The following LIMK2 variants were observed in gnomAD, a reference collection of about 807,000 sequenced individuals.
The protein encoded by LIMK2 is LIM domain kinase 2.
In LIMK2, 35 loss-of-function variants were observed where a neutral mutation model predicts 75.7. The observed-to-expected ratio is 0.46, with a 90% CI of 0.35 to 0.61. The LOEUF (loss-of-function observed/expected upper bound fraction) is 0.61, where lower values mean the gene tolerates loss of function less well. LIMK2 is among the 20% of genes least tolerant of loss of function. The pLI is 0.00. For missense variants in LIMK2, 623 were observed against 831.0 expected (o/e 0.75, Z 3.08); for synonymous variants, 301 against 319.2 (o/e 0.94, Z 0.61).
rs552241682 is a variant in LIMK2 at position 31,258,990 on chromosome 22, G to A, written c.253-131G>A. 10 of 622,278 alleles carry A rather than the reference G, an allele frequency of 1.6e-5. No homozygotes were observed. In the South Asian group the frequency reaches 1.8e-4, roughly 11 times the overall value. The allele number at this position is 622,278 out of a possible 1,614,324, so 38.5% of individuals were successfully genotyped here. A position where few individuals can be genotyped will look rare whatever the true frequency, so the allele number is the denominator to read the frequency against. ...CACTTCCTTTGGAAGCTCTAGGGCAGAGAGTGAAAGAGTGGATTTTGACGG... is the reference window on the plus strand; with the variant it reads ...CACTTCCTTTGGAAGCTCTAGGGCAAAGAGTGAAAGAGTGGATTTTGACGG... On this transcript the variant is annotated intron_variant, in intron 3 of 15. Coordinates refer to ENST00000331728, the MANE Select transcript of LIMK2 (RefSeq NM_005569.4).
chr22:31,212,919 C>A (rs1339303975), intron 1 of LIMK2, among the ~76,000 whole-genome samples: 4 of 152,120 alleles, frequency 2.6e-5, no homozygotes, highest in Non-Finnish European at 5.9e-5. Context: ...ATGTGACTTC[C>A]CTGCCAAGAC....
rs567250437 is a variant in LIMK2 at position 31,255,978 on chromosome 22, C to CTTTTTTTTTTTTT, written c.117-2287_117-2275dup. Among the ~76,000 whole-genome samples, 9 of 29,682 alleles carry CTTTTTTTTTTTTT rather than the reference C, an allele frequency of 3.0e-4. 3 individuals carry two copies. Among genetic ancestry groups the CTTTTTTTTTTTTT allele is most frequent in the East Asian group, 1.1e-3 (1 of 878 alleles). The allele number at this position is 29,682 out of a possible 152,430, so 19.5% of individuals were successfully genotyped here. A position where few individuals can be genotyped will look rare whatever the true frequency, so the allele number is the denominator to read the frequency against. The stretch of plus-strand genomic sequence containing the variant: ...ATACTGAGTTTCTACTATATTGGGT[C>CTTTTTTTTTTTTT]TTTTTTTTTTTTTTTTTTTTTTTTT... On this transcript the variant is annotated intron_variant, in intron 2 of 15. Transcript: ENST00000331728.
At chr22:31,242,965 T>C (rs1382770462) in intron 2 of LIMK2, among the ~76,000 whole-genome samples, 1 of 152,202 alleles carries the variant, frequency 6.6e-6, no homozygotes, top group Non-Finnish European at 1.5e-5. Context: ...CTCTGTCACC[T>C]AGGCTGGTGT....
rs9619180 is a variant in LIMK2 at position 31,239,872 on chromosome 22, C to G, written c.116+14053C>G. On this transcript the variant is annotated intron_variant, in intron 2 of 15. Transcript: ENST00000331728. ...AAAGTCCATCCAGTATGCACCATTA[C>G]CATCTCTTCGCTCTACAATATTCTT... Among the ~76,000 whole-genome samples the G allele has an allele frequency of 5.6e-3, 846 of 152,238 alleles. 9 individuals are homozygous for G. Among genetic ancestry groups the G allele is most frequent in the African/African-American group, 0.019 (783 of 41,524 alleles).
chr22:31,230,025 TC>T, intron 2 of LIMK2: 1 of 151,470 alleles, frequency 6.6e-6, no homozygotes, highest in Non-Finnish European at 1.5e-5. Context: ...TTCCTTTTTT[TC>T]TTTTCTTTTT....
intron 1 of LIMK2, among the ~76,000 whole-genome samples, chr22:31,221,109 C>A (rs1316149161): frequency 1.3e-5 from 2 of 152,030 alleles, no homozygotes; most frequent in Non-Finnish European, 2.9e-5. Context: ...CTAGAGCATT[C>A]TTTTGTAAGG....
At chr22:31,219,234 T>C (rs2048413322) in intron 1 of LIMK2, among the ~76,000 whole-genome samples, 1 of 148,514 alleles carries the variant, frequency 6.7e-6, no homozygotes, top group African/African-American at 2.5e-5. Context: ...ATTTTCCTTC[T>C]TTTTTTTTTG....
At chr22:31,269,162 G>T (rs2048928852) in intron 11 of LIMK2, among the ~76,000 whole-genome samples, 1 of 151,974 alleles carries the variant, frequency 6.6e-6, no homozygotes, top group South Asian at 2.1e-4. Context: ...CTGGAGTGCA[G>T]TGGCACGATC....
At chr22:31,214,663 A>C (rs1487139156) in intron 1 of LIMK2, among the ~76,000 whole-genome samples, 3 of 152,052 alleles carry the variant, frequency 2.0e-5, no homozygotes, top group Non-Finnish European at 2.9e-5. Flanking sequence ...CCTGGAGATA[A>C]GTAAAAGTTA....
At chr22:31,226,362 G>T (rs925954843) in intron 2 of LIMK2, among the ~76,000 whole-genome samples, 1 of 150,654 alleles carries the variant, frequency 6.6e-6, no homozygotes. Flanking sequence ...GCCACCATGC[G>T]CAGCTAATTT....
chr22:31,262,486 C>A lies in LIMK2; in HGVS notation c.658-109C>A. The A allele has an allele frequency of 8.9e-7, 1 of 1,118,658 alleles. No individual in the cohort carries two copies. Among genetic ancestry groups the A allele is most frequent in the Non-Finnish European group, 1.3e-6 (1 of 765,026 alleles). 69.3% of individuals were successfully genotyped at this position (1,118,658 alleles called of 1,614,324 possible). A position where few individuals can be genotyped will look rare whatever the true frequency, so the allele number is the denominator to read the frequency against. ...GAGGCCACTGGCAGCTAAAGGCCAC[C>A]ATTAGACAAGTTGAGCACTGGCCAC... On this transcript the variant is annotated intron_variant, in intron 6 of 15. Transcript: ENST00000331728. The surrounding 1 kb of genome is among the most constrained non-coding windows in gnomAD (Gnocchi z 5.0).
chr22:31,232,496 A>T (rs1406703598), intron 2 of LIMK2, among the ~76,000 whole-genome samples: 2 of 152,228 alleles, frequency 1.3e-5, no homozygotes, highest in African/African-American at 4.8e-5. Context: ...TGTGCATCTT[A>T]TATTAACTAT....
intron 4 of LIMK2, 97 bp downstream of exon 4, chr22:31,259,327 A>G: frequency 1.4e-6 from 1 of 715,368 alleles, no homozygotes; most frequent in South Asian, 1.6e-5. Context: ...GTGTTAGGGT[A>G]GTCAGAGCAT....
rs112866018 is a variant in LIMK2 at position 31,277,186 on chromosome 22, A to G, written c.1773-1111A>G. 1,230 of 1,610,654 alleles carry G rather than the reference A, an allele frequency of 7.6e-4. 5 individuals are homozygous for G. In the African/African-American group the frequency reaches 0.013, roughly 17 times the overall value. On this transcript the variant is annotated intron_variant, in intron 15 of 15. Coordinates refer to ENST00000331728, the MANE Select transcript of LIMK2 (RefSeq NM_005569.4). ...CGGTGGCTCCCATAGGACAATCGCT[A>G]CCCCCCGACCTCGTAGCAACAGCAA...
At chr22:31,227,920 A>C (rs2123779174) in intron 2 of LIMK2, among the ~76,000 whole-genome samples, 1 of 152,302 alleles carries the variant, frequency 6.6e-6, no homozygotes, top group Middle Eastern at 3.4e-3. Flanking sequence ...TGAAACCAAA[A>C]AGACTTGCTC....
In LIMK2 at chr22:31,273,442, G is replaced by A; in HGVS notation, c.1559-10G>A. ...TAAACTTAACAGTGTGCTCTCCTGT[G>A]TTCCCCAAGGAAAGAGCTATGATGA... is the stretch of plus-strand genomic sequence containing the variant. On this transcript the variant is annotated splice_polypyrimidine_tract_variant and intron_variant, in intron 13 of 15. Transcript: ENST00000331728. 6.2e-7 allele frequency: 1 copy of A among 1,612,786 alleles called. No individual in the cohort carries two copies. The highest frequency in any genetic ancestry group is 8.5e-7 in the Non-Finnish European group (1 of 1,178,892).
chr22:31,247,851 C>G (rs2048684949), intron 2 of LIMK2, among the ~76,000 whole-genome samples: 2 of 152,176 alleles, frequency 1.3e-5, no homozygotes, highest in South Asian at 4.1e-4. Context: ...CAGCCCTGCC[C>G]TGGAGTGGAA....
In LIMK2 at chr22:31,262,824, T is replaced by C. The variant is rs2123843146; in HGVS notation, c.854+33T>C. On this transcript the variant is annotated intron_variant, in intron 7 of 15. Coordinates refer to ENST00000331728, the MANE Select transcript of LIMK2 (RefSeq NM_005569.4). This position sits in a 1 kb window ranked among gnomAD's most constrained non-coding sequence, Gnocchi z 5.0. ...CTCCCACCCTGGCTCTGTTCTGTCC[T>C]ATGTCTGTCTCTCGGATGAAGCTGA... is the stretch of plus-strand genomic sequence containing the variant. 1 of 1,491,174 alleles carries C rather than the reference T, an allele frequency of 6.7e-7. No homozygotes were observed. Among genetic ancestry groups the C allele is most frequent in the Non-Finnish European group, 9.0e-7 (1 of 1,111,812 alleles). The allele number at this position is 1,491,174 out of a possible 1,614,324, so 92.4% of individuals were successfully genotyped here. A position where few individuals can be genotyped will look rare whatever the true frequency, so the allele number is the denominator to read the frequency against.
At chr22:31,231,341 C>G (rs377612601) in intron 2 of LIMK2, among the ~76,000 whole-genome samples, 20 of 152,284 alleles carry the variant, frequency 1.3e-4, no homozygotes, top group East Asian at 9.6e-4. Flanking sequence ...GTGGAGCAAC[C>G]CTGCCATCTG....
Sources: gnomAD v4.1 joint callset for allele counts (sites outside exome capture counted in the v4.1 genomes callset) on GRCh38, gnomAD v4.1.1 for gene constraint, Gnocchi (gnomAD v3.1) non-coding constraint, MANE v1.5 for transcripts, NCBI Gene and HGNC (gene_info 2026-07-23, HGNC 2026-07-21) for gene names.